Variants in DACH2 observed in about 807,000 individuals in gnomAD.
DACH2 encodes dachshund homolog 2.
A neutral mutation model predicts 35.8 loss-of-function variants in DACH2; 17 were observed. The ratio of observed to expected loss-of-function variants is 0.48; its 90% confidence interval spans 0.33 to 0.71. The LOEUF is 0.71. Among genes scored for constraint, DACH2 ranks in the 30% least tolerant of loss-of-function variants. The pLI, the probability that DACH2 is intolerant of heterozygous loss-of-function variation, is 0.02. For synonymous variants in DACH2, 195 were observed against 177.3 expected, an observed-to-expected ratio of 1.10 and a Z score of -0.79; for missense variants, 469 against 472.7, an observed-to-expected ratio of 0.99 and a Z score of 0.07.
At chrX:86,461,320 C>A (rs776884480) in intron 2 of DACH2, among the ~76,000 whole-genome samples, 1 of 111,327 alleles carries the variant, frequency 9.0e-6, no homozygotes, top group African/African-American at 3.2e-5. Context: ...TGAATAAATT[C>A]TGAATGCTGT....
At chrX:86,514,748 T>C (rs1479209287) in intron 3 of DACH2, among the ~76,000 whole-genome samples, 1 of 111,461 alleles carries the variant, frequency 9.0e-6, no homozygotes, top group Non-Finnish European at 1.9e-5. Context: ...GTCTCAGTAA[T>C]ATTCTTTTAG....
rs898292810 is a variant in DACH2 at position 86,668,602 on chromosome X, C to A, written c.772+17435C>A. On this transcript the variant is annotated intron_variant, in intron 4 of 11. Transcript: ENST00000373125. ...TGGTCTTACTTTGTAACAGATGATA[C>A]TGGAATAATAATATGAGAGATGCTA... Among the ~76,000 whole-genome samples the A allele has an allele frequency of 8.1e-5, 9 of 111,589 alleles. 1 individual carries two copies. The highest frequency in any genetic ancestry group is 2.9e-4 in the African/African-American group (9 of 30,758).
At chrX:86,806,911 G>A (rs1035836333) in intron 7 of DACH2, among the ~76,000 whole-genome samples, 2 of 111,938 alleles carry the variant, frequency 1.8e-5, no homozygotes, top group Non-Finnish European at 3.8e-5. Flanking sequence ...TGGGAATCCA[G>A]TGGTGATCGG....
At chrX:86,625,741 G>C (rs752664652) in intron 3 of DACH2, among the ~76,000 whole-genome samples, 1 of 111,233 alleles carries the variant, frequency 9.0e-6, no homozygotes, top group Non-Finnish European at 1.9e-5. Flanking sequence ...GCAAGAGAGA[G>C]TTTGTGTAGG....
intron 2 of DACH2, among the ~76,000 whole-genome samples, chrX:86,451,061 C>G: frequency 9.0e-6 from 1 of 111,624 alleles, no homozygotes; most frequent in Non-Finnish European, 1.9e-5. Flanking sequence ...TGCAGAAGCT[C>G]TTTAGTTTAA....
chrX:86,723,122 A>G (rs931626554), intron 6 of DACH2, among the ~76,000 whole-genome samples: 4 of 111,796 alleles, frequency 3.6e-5, no homozygotes, highest in Non-Finnish European at 7.5e-5. Flanking sequence ...TTACTTCTTC[A>G]TAGTAGTCTC....
At chrX:86,393,235 G>C (rs1229343768) in intron 2 of DACH2, among the ~76,000 whole-genome samples, 1 of 110,692 alleles carries the variant, frequency 9.0e-6, no homozygotes, top group East Asian at 2.8e-4. Flanking sequence ...TTTCACATAT[G>C]CTGTCTCTCT....
At chrX:86,604,397 G>T (rs1249705359) in intron 3 of DACH2, among the ~76,000 whole-genome samples, 1 of 111,544 alleles carries the variant, frequency 9.0e-6, no homozygotes, top group East Asian at 2.8e-4. Context: ...AATCTTACAA[G>T]AATATATTTT....
chrX:86,255,882 A>C (rs1482640364), intron 1 of DACH2, among the ~76,000 whole-genome samples: 1 of 111,727 alleles, frequency 9.0e-6, no homozygotes, highest in Non-Finnish European at 1.9e-5. Context: ...ATTAACACAA[A>C]AAATTTCCAA....
At chrX:86,227,805 A>G (rs2032859274) in intron 1 of DACH2, among the ~76,000 whole-genome samples, 1 of 110,679 alleles carries the variant, frequency 9.0e-6, no homozygotes, top group East Asian at 2.8e-4. Context: ...CATTTGAAAA[A>G]CACTAACAAT....
chrX:86,469,483 C>G (rs1569412937), intron 2 of DACH2, among the ~76,000 whole-genome samples: 1 of 110,766 alleles, frequency 9.0e-6, no homozygotes, highest in African/African-American at 3.3e-5. Flanking sequence ...TCAAATTCTA[C>G]AAGAGTCCAA....
chrX:86,175,757 A>G (rs2031282828), intron 1 of DACH2, among the ~76,000 whole-genome samples: 1 of 111,235 alleles, frequency 9.0e-6, no homozygotes. Context: ...GGCAGAGTAT[A>G]TAGATGGAGA....
At chrX:86,404,486 A>G (rs1450538098) in intron 2 of DACH2, among the ~76,000 whole-genome samples, 2 of 111,865 alleles carry the variant, frequency 1.8e-5, no homozygotes, top group African/African-American at 6.5e-5. Flanking sequence ...AAAGTTCCAA[A>G]ATTATCTCCC....
At chrX:86,674,696 C>T (rs926199328) in intron 4 of DACH2, among the ~76,000 whole-genome samples, 1 of 111,834 alleles carries the variant, frequency 8.9e-6, no homozygotes, top group South Asian at 3.7e-4. Flanking sequence ...TGTTACCCTT[C>T]TGCATTTTTT....
intron 2 of DACH2, among the ~76,000 whole-genome samples, chrX:86,466,062 G>A (rs2037661446): frequency 9.0e-6 from 1 of 111,448 alleles, no homozygotes; most frequent in Admixed American, 9.6e-5. Context: ...CTGAGACTGG[G>A]GAAAAACAGG....
intron 2 of DACH2, among the ~76,000 whole-genome samples, chrX:86,382,752 C>A (rs749770572): frequency 3.9e-4 from 43 of 110,980 alleles, no homozygotes; most frequent in African/African-American, 1.4e-3. Flanking sequence ...TGACCTCCTA[C>A]AGAGTTTCAA....
chrX:86,252,759 T>C (rs2033427484), intron 1 of DACH2, among the ~76,000 whole-genome samples: 1 of 111,662 alleles, frequency 9.0e-6, no homozygotes, highest in South Asian at 3.7e-4. Flanking sequence ...TATAGTATAG[T>C]TTGAAGTCAG....
intron 3 of DACH2, among the ~76,000 whole-genome samples, chrX:86,643,482 C>CA (rs199775705): frequency 1.7e-4 from 18 of 105,906 alleles, no homozygotes; most frequent in East Asian, 9.3e-4. Context: ...GCCTACCAAC[C>CA]AAAAAAAGCC....
chrX:86,729,811 G>A (rs1358636648), intron 6 of DACH2, among the ~76,000 whole-genome samples: 4 of 111,256 alleles, frequency 3.6e-5, no homozygotes, highest in African/African-American at 9.8e-5. Context: ...TGATATGCCT[G>A]CTCCTGCTTC....
Sources: gnomAD v4.1 joint callset for allele counts (sites outside exome capture counted in the v4.1 genomes callset) on GRCh38, gnomAD v4.1.1 for gene constraint, MANE v1.5 for transcripts, NCBI Gene and HGNC (gene_info 2026-07-23, HGNC 2026-07-21) for gene names.